Variants in CD1A observed in about 807,000 individuals in gnomAD.
CD1A encodes the protein CD1a molecule, also known as T-cell surface glycoprotein CD1a.
In CD1A, 50 loss-of-function variants were observed where a neutral mutation model predicts 38.3. The ratio of observed to expected loss-of-function variants is 1.30; its 90% CI spans 1.04 to 1.65. CD1A has a LOEUF of 1.65. Among genes scored for constraint, CD1A ranks in the 40% most tolerant of loss-of-function variants. CD1A has a pLI of 0.00. For missense variants in CD1A, 459 were observed against 406.1 expected, an observed-to-expected ratio of 1.13 and a Z score of -1.12; for synonymous variants, 160 against 150.8, an observed-to-expected ratio of 1.06 and a Z score of -0.45.
chr1:158,256,232 G>A lies in CD1A; in HGVS notation c.554G>A (p.Arg185His), dbSNP rs142655599. Residue 185 changes from arginine (R) to histidine (H), a missense_variant, in exon 3 of 6, where the codon CGT becomes CAT. By Grantham distance (29) the Arg-to-His change is conservative (BLOSUM62 0). Coordinates refer to ENST00000289429, the MANE Select transcript of CD1A (RefSeq NM_001763.3). ...AATCTTCTCAGTGACACCTGCCCAC[G>A]TTTCATCTTGGGTCTTCTTGATGCA... ...THNLLSDTCP[R>H]FILGLLDAGK... 275 of 1,614,092 alleles carry A rather than the reference G, an allele frequency of 1.7e-4. No homozygotes were observed. The highest frequency in any genetic ancestry group is 1.5e-3 in the Middle Eastern group (9 of 6,062).
chr1:158,256,693 A>T, intron 3 of CD1A, 93 bp from the exon 4 acceptor site: 1 of 1,433,240 alleles, frequency 7.0e-7, no homozygotes. Flanking sequence ...AAAAAAAGAG[A>T]AATGGGAACA....
rs1650215136 is a variant in CD1A, at chr1:158,255,240, G to C, written c.215G>C (p.Arg72Thr). The C allele has an allele frequency of 6.2e-7, 1 of 1,613,932 alleles. No homozygotes were observed. Among genetic ancestry groups the C allele is most frequent in the African/African-American group, 1.3e-5 (1 of 74,882 alleles). The change falls in exon 2 of 6, where the codon AGG becomes ACG. Residue 72 changes from arginine to threonine, a missense_variant. Transcript: ENST00000289429. ...STIVFLCPWSRGNFSNEEWKE... is the reference protein window; with the variant it reads ...STIVFLCPWSTGNFSNEEWKE... ...ATCGTTTTCCTGTGCCCCTGGTCCA[G>C]GGGAAACTTCAGCAATGAGGAGTGG...
rs1378714890 is a variant in CD1A, at chr1:158,257,755, T to A, written c.*65T>A. On this transcript the variant is annotated 3_prime_UTR_variant, in exon 6 of 6. Transcript: ENST00000289429. ...GGTGAGAGACCAGCAGCCCAAGGGC[T>A]CCAGACACACCTGAACACATCGTGA... is the stretch of plus-strand genomic sequence containing the variant. The A allele has an allele frequency of 1.3e-5, 19 of 1,420,292 alleles. No homozygotes were observed. In the East Asian group the frequency reaches 4.3e-4, roughly 32 times the overall value. The allele number at this position is 1,420,292 out of a possible 1,614,324, so 88.0% of individuals were successfully genotyped here. A position where few individuals can be genotyped will look rare whatever the true frequency, so the allele number is the denominator to read the frequency against.
At chr1:158,249,691 A>G (rs548432072), upstream of CD1A, among the ~76,000 whole-genome samples, 1 of 152,286 alleles carries the variant, frequency 6.6e-6, no homozygotes, top group South Asian at 2.1e-4. Context: ...TTCTGTCTCA[A>G]CCTGTTATGG....
chr1:158,254,030 G>GTTTTTTTTTTTTTTTTTTTTTTTTTTTT (rs1398850181), upstream of CD1A: 1 of 45,796 alleles, frequency 2.2e-5, no homozygotes, highest in African/African-American at 8.5e-5. Context: ...GTGTTCCTGT[G>GTTTTTTTTTTTTTTTTTTTTTTTTTTTT]GTTTTTTTTT....
upstream of CD1A, among the ~76,000 whole-genome samples, chr1:158,252,307 C>T (rs192966029): frequency 1.3e-5 from 2 of 152,222 alleles, no homozygotes; most frequent in East Asian, 3.9e-4. Context: ...TAGAAAAAGG[C>T]TTAGAGACTG....
At chr1:158,251,720 C>A (rs1170562523), upstream of CD1A, among the ~76,000 whole-genome samples, 11 of 152,154 alleles carry the variant, frequency 7.2e-5, no homozygotes, top group African/African-American at 1.4e-4. Context: ...TTTCTTCCAG[C>A]AGTTTGGGAC....
chr1:158,251,023 A>G (rs886707459), upstream of CD1A, among the ~76,000 whole-genome samples: 1 of 152,246 alleles, frequency 6.6e-6, no homozygotes, highest in African/African-American at 2.4e-5. Flanking sequence ...AATCTTAACT[A>G]TGAATAGCCT....
the CD1A span, chr1:158,248,439 AT>A: frequency 1.0e-6 from 1 of 984,870 alleles, no homozygotes. Context: ...GAACAGGAAC[AT>A]GCTTTTGGCC....
rs778801053 is a variant in CD1A, at chr1:158,257,783, A to G, written c.*93A>G. The G allele has an allele frequency of 8.2e-5, 87 of 1,064,780 alleles. No individual in the cohort carries two copies. Among genetic ancestry groups the G allele is most frequent in the Non-Finnish European group, 1.1e-4 (80 of 697,756 alleles). 66.0% of individuals were successfully genotyped at this position (1,064,780 alleles called of 1,614,324 possible). On this transcript the variant is annotated 3_prime_UTR_variant, in exon 6 of 6. Transcript: ENST00000289429. ...AGACACACCTGAACACATCGTGATG[A>G]TGACGTCCTCTCAACTCTCTTTGTA... is the stretch of plus-strand genomic sequence containing the variant.
At position 158,254,629 on chromosome 1, in the gene CD1A, A is replaced by T; in HGVS notation, c.-41A>T. On this transcript the variant is annotated 5_prime_UTR_variant, in exon 1 of 6. Coordinates refer to ENST00000289429, the MANE Select transcript of CD1A (RefSeq NM_001763.3). The stretch of plus-strand genomic sequence containing the variant: ...GGTTTGTTTGGAACAGAAATCAAAG[A>T]CCAATTTTTCTGAGAGAAGGAAATA... 6.8e-6 allele frequency: 11 copies of T among 1,613,818 alleles called. No homozygotes were observed. Among genetic ancestry groups the T allele is most frequent in the Non-Finnish European group, 9.3e-6 (11 of 1,179,898 alleles).
chr1:158,257,149 T>G (rs1281151223), intron 4 of CD1A, 85 bp downstream of exon 4: 1 of 1,489,078 alleles, frequency 6.7e-7, no homozygotes, highest in East Asian at 2.3e-5. Context: ...ATTTTAGGAT[T>G]TTAGGGATTA....
chr1:158,256,143 G>T lies in CD1A; in HGVS notation c.465G>T (p.Gly155=), dbSNP rs1290836529. 1 of 1,614,136 alleles carries T rather than the reference G, an allele frequency of 6.2e-7. No individual in the cohort carries two copies. Among genetic ancestry groups the T allele is most frequent in the Non-Finnish European group, 8.5e-7 (1 of 1,180,022 alleles). The change falls in exon 3 of 6, where the codon GGG becomes GGT. Residue 155 remains glycine (G), a synonymous_variant. Coordinates refer to ENST00000289429, the MANE Select transcript of CD1A (RefSeq NM_001763.3). The part of the protein sequence containing the change: ...NNSWLPYPVA[G]NMAKHFCKVL... Reference sequence around the variant, plus strand: ...CATGGTTGCCATATCCAGTGGCTGGGAATATGGCCAAGCATTTCTGCAAAG... The same window carrying T: ...CATGGTTGCCATATCCAGTGGCTGGTAATATGGCCAAGCATTTCTGCAAAG...
chr1:158,250,947 A>G (rs1465924019), upstream of CD1A, among the ~76,000 whole-genome samples: 2 of 152,200 alleles, frequency 1.3e-5, no homozygotes, highest in African/African-American at 4.8e-5. Context: ...CTTGAATAAC[A>G]TGGGGGTTAG....
In CD1A at chr1:158,254,567, CTG is replaced by C. The variant is rs1459636756; in HGVS notation, c.-102_-101del. 6.3e-7 allele frequency: 1 copy of C among 1,587,844 alleles called. No individual in the cohort carries two copies. Among genetic ancestry groups the C allele is most frequent in the Non-Finnish European group, 8.6e-7 (1 of 1,167,686 alleles). On this transcript the variant is annotated 5_prime_UTR_variant, in exon 1 of 6. Coordinates refer to ENST00000289429, the MANE Select transcript of CD1A (RefSeq NM_001763.3). ...CAGTCAGGGGAGGTTTGTCTGTTGG[CTG>C]CAGAAAGAAGTCAGAATAGAGATAT...
chr1:158,258,063 A>C lies in CD1A; in HGVS notation c.*373A>C, dbSNP rs1321488772. On this transcript the variant is annotated 3_prime_UTR_variant, in exon 6 of 6. Transcript: ENST00000289429. ...GGGAAGCAGTCTCTTCCTGGTCTGAACTCCCGCCACATTTTAGCCGTACTT... is the reference window on the plus strand; with the variant it reads ...GGGAAGCAGTCTCTTCCTGGTCTGACCTCCCGCCACATTTTAGCCGTACTT... 1 of 190,680 alleles carries C rather than the reference A, an allele frequency of 5.2e-6. No homozygotes were observed. Among genetic ancestry groups the C allele is most frequent in the South Asian group, 1.4e-4 (1 of 7,282 alleles). The allele number at this position is 190,680 out of a possible 1,614,324, so 11.8% of individuals were successfully genotyped here. A position where few individuals can be genotyped will look rare whatever the true frequency, so the allele number is the denominator to read the frequency against.
upstream of CD1A, among the ~76,000 whole-genome samples, chr1:158,250,478 C>T (rs1431582164): frequency 2.6e-5 from 4 of 152,196 alleles, no homozygotes; most frequent in Non-Finnish European, 2.9e-5. Flanking sequence ...TACAATACAC[C>T]GATTAACTCA....
chr1:158,257,179 A>G (rs1436442415), intron 4 of CD1A, 115 bp downstream of exon 4: 1 of 1,321,620 alleles, frequency 7.6e-7, no homozygotes, highest in African/African-American at 1.5e-5. Flanking sequence ...CATGAATAAA[A>G]ATAGATAATC....
At chr1:158,253,110 T>C (rs1234046532), upstream of CD1A, among the ~76,000 whole-genome samples, 4 of 151,986 alleles carry the variant, frequency 2.6e-5, no homozygotes, top group Admixed American at 2.6e-4. Flanking sequence ...AAAAAAAATT[T>C]TTTCCCCCTA....
Sources: gnomAD v4.1 joint callset for allele counts (sites outside exome capture counted in the v4.1 genomes callset) on GRCh38, gnomAD v4.1.1 for gene constraint, MANE v1.5 for transcripts, NCBI Gene and HGNC (gene_info 2026-07-23, HGNC 2026-07-21) for gene names.